Variants in ZBTB7C observed in about 807,000 individuals in gnomAD.
ZBTB7C encodes zinc finger and BTB domain containing 7C.
A neutral mutation model predicts 25.7 loss-of-function variants in ZBTB7C; 8 were observed. The observed-to-expected ratio is 0.31, with a 90% CI of 0.18 to 0.56. The LOEUF is 0.56. ZBTB7C is among the 20% of genes least tolerant of loss of function. ZBTB7C has a pLI of 0.91. For synonymous variants in ZBTB7C, 394 were observed against 369.0 expected, an observed-to-expected ratio of 1.07 and a Z score of -0.78; for missense variants, 824 against 855.2, an observed-to-expected ratio of 0.96 and a Z score of 0.46.
In ZBTB7C at chr18:48,344,489, C is replaced by T. The variant is rs114134343; in HGVS notation, c.-303-6091G>A. On this transcript the variant is annotated intron_variant, in intron 1 of 4. Transcript: ENST00000590800. Reference sequence around the variant, plus strand: ...CTGCAGAGTGGAGGACGTCCTGGCACGTGTATGGTGAGGGGAAGGGGAAAG... The same window carrying T: ...CTGCAGAGTGGAGGACGTCCTGGCATGTGTATGGTGAGGGGAAGGGGAAAG... Among the ~76,000 whole-genome samples, 291 of 151,236 alleles carry T rather than the reference C, an allele frequency of 1.9e-3. 2 individuals carry two copies. The highest frequency in any genetic ancestry group is 6.5e-3 in the African/African-American group (269 of 41,166).
intron 2 of ZBTB7C, among the ~76,000 whole-genome samples, chr18:48,201,765 T>C (rs1274289542): frequency 6.6e-6 from 1 of 152,130 alleles, no homozygotes. Context: ...GCTGCATAAA[T>C]AAAAAGCAGC....
chr18:48,125,122 A>C (rs923415314), intron 3 of ZBTB7C, among the ~76,000 whole-genome samples: 3 of 152,212 alleles, frequency 2.0e-5, no homozygotes, highest in African/African-American at 7.2e-5. Context: ...ATATCGCATA[A>C]TTTATCTTTT....
intron 3 of ZBTB7C, among the ~76,000 whole-genome samples, chr18:48,115,415 A>T (rs2039398086): frequency 6.6e-6 from 1 of 151,570 alleles, no homozygotes; most frequent in Non-Finnish European, 1.5e-5. Flanking sequence ...CACCTAGCTA[A>T]TTTTTTTTGT....
rs75199410 is a variant in ZBTB7C at position 48,270,477 on chromosome 18, C to T, written c.-79+67697G>A. Among the ~76,000 whole-genome samples the T allele has an allele frequency of 4.7e-5, 7 of 150,228 alleles. No individual in the cohort carries two copies. In the South Asian group the frequency reaches 6.4e-4, roughly 14 times the overall value. On this transcript the variant is annotated intron_variant, in intron 2 of 4. Coordinates refer to ENST00000590800, the MANE Select transcript of ZBTB7C (RefSeq NM_001318841.2). ...TTGGGAGGCCCAGGTGGGCGGATCT[C>T]GAGGTCAGGTGATCGAGACCATCCT...
intron 3 of ZBTB7C, among the ~76,000 whole-genome samples, chr18:48,078,704 G>A (rs2037867098): frequency 6.6e-6 from 1 of 152,210 alleles, no homozygotes. Flanking sequence ...CCATAGGCAG[G>A]TAGCAGGGTG....
intron 3 of ZBTB7C, chr18:48,148,421 C>G (rs2040564880): frequency 6.6e-6 from 1 of 152,136 alleles, no homozygotes; most frequent in Admixed American, 6.5e-5. Context: ...GTTATACAAC[C>G]AAGGCTTTGA....
intron 3 of ZBTB7C, among the ~76,000 whole-genome samples, chr18:48,055,410 C>CAAAAAAAAAA (rs57782791): frequency 1.4e-5 from 1 of 72,790 alleles, no homozygotes. Context: ...ACTCAAGTCT[C>CAAAAAAAAAA]AAAAAAAAAA....
rs149006206 is a variant in ZBTB7C at position 48,098,101 on chromosome 18, C to T, written c.-16-56978G>A. On this transcript the variant is annotated intron_variant, in intron 3 of 4. Transcript: ENST00000590800. The stretch of plus-strand genomic sequence containing the variant: ...AAACCCCCACAAACTATTGGCTAGC[C>T]TAACATTTGTGATGGGTGAGAGTTC... Among the ~76,000 whole-genome samples, 121 of 152,224 alleles carry T rather than the reference C, an allele frequency of 7.9e-4. 2 individuals are homozygous for T. In the East Asian group the frequency reaches 0.023, roughly 29 times the overall value.
At chr18:48,169,848 T>C (rs1268047591) in intron 3 of ZBTB7C, 2 of 152,404 alleles carry the variant, frequency 1.3e-5, no homozygotes, top group Non-Finnish European at 2.9e-5. Flanking sequence ...TAATCTTCTC[T>C]GTATCATTCC....
chr18:48,065,766 G>A (rs57212705), intron 3 of ZBTB7C, among the ~76,000 whole-genome samples: 10,789 of 152,224 alleles, frequency 0.071, 429 homozygotes, highest in South Asian at 0.092. Flanking sequence ...GGTAGCTGCG[G>A]CATCCCAGGG....
chr18:48,102,348 A>G (rs888321965), intron 3 of ZBTB7C, among the ~76,000 whole-genome samples: 1 of 152,156 alleles, frequency 6.6e-6, no homozygotes, highest in African/African-American at 2.4e-5. Context: ...AGGATCGCTT[A>G]AGGCCAAGAG....
intron 1 of ZBTB7C, among the ~76,000 whole-genome samples, chr18:48,388,495 T>G (rs1162072263): frequency 6.6e-6 from 1 of 152,178 alleles, no homozygotes; most frequent in African/African-American, 2.4e-5. Flanking sequence ...GAAAACGTAT[T>G]TTCAAAATAT....
chr18:48,372,236 T>C (rs1598982234), intron 1 of ZBTB7C, among the ~76,000 whole-genome samples: 1 of 152,182 alleles, frequency 6.6e-6, no homozygotes, highest in Non-Finnish European at 1.5e-5. Flanking sequence ...CCTCTATGCT[T>C]GAAGCCCTCT....
chr18:48,376,083 C>G (rs1225000074), intron 1 of ZBTB7C, among the ~76,000 whole-genome samples: 1 of 152,228 alleles, frequency 6.6e-6, no homozygotes, highest in African/African-American at 2.4e-5. Flanking sequence ...TTGCTTTCCT[C>G]ACCAGCTCCC....
chr18:48,048,060 C>T lies in ZBTB7C; in HGVS notation c.-16-6937G>A, dbSNP rs563375400. On this transcript the variant is annotated intron_variant, in intron 3 of 4. Transcript: ENST00000590800. Reference sequence around the variant, plus strand: ...AGGGCAGGGGGATTTGGACCCTTCCCCTGGGAGGCTGACTCTTAGTCTAGG... The same window carrying T: ...AGGGCAGGGGGATTTGGACCCTTCCTCTGGGAGGCTGACTCTTAGTCTAGG... Among the ~76,000 whole-genome samples, 3 of 152,262 alleles carry T rather than the reference C, an allele frequency of 2.0e-5. No individual in the cohort carries two copies. In the South Asian group the frequency reaches 6.2e-4, roughly 32 times the overall value.
intron 2 of ZBTB7C, among the ~76,000 whole-genome samples, chr18:48,193,839 G>A (rs1320509324): frequency 6.6e-6 from 1 of 152,262 alleles, no homozygotes; most frequent in Non-Finnish European, 1.5e-5. Context: ...TCGTGGGGGT[G>A]CCTCTGGGAA....
At chr18:48,228,386 T>C (rs2043159707) in intron 2 of ZBTB7C, among the ~76,000 whole-genome samples, 1 of 152,184 alleles carries the variant, frequency 6.6e-6, no homozygotes, top group Non-Finnish European at 1.5e-5. Context: ...CAGGAGGATG[T>C]TGCAATCTGC....
intron 1 of ZBTB7C, among the ~76,000 whole-genome samples, chr18:48,351,303 C>T (rs895651747): frequency 2.0e-5 from 3 of 152,084 alleles, no homozygotes; most frequent in Admixed American, 2.0e-4. Flanking sequence ...ACTCAAAATC[C>T]CCTGGACTCT....
chr18:48,197,442 C>T (rs1301750079), intron 2 of ZBTB7C, among the ~76,000 whole-genome samples: 1 of 152,194 alleles, frequency 6.6e-6, no homozygotes, highest in Non-Finnish European at 1.5e-5. Context: ...GCCCCAACTC[C>T]CAGAGATAAC....
Sources: gnomAD v4.1 joint callset for allele counts (sites outside exome capture counted in the v4.1 genomes callset) on GRCh38, gnomAD v4.1.1 for gene constraint, MANE v1.5 for transcripts, NCBI Gene and HGNC (gene_info 2026-07-23, HGNC 2026-07-21) for gene names.